GLUD1: variants seen among roughly 807,000 people sequenced by gnomAD.
The protein encoded by GLUD1 is glutamate dehydrogenase 1, mitochondrial.
In GLUD1, 22 loss-of-function variants were observed where a neutral mutation model predicts 56.0. The observed-to-expected ratio is 0.39, with a 90% CI of 0.28 to 0.56. The LOEUF (loss-of-function observed/expected upper bound fraction) is 0.56. Among genes scored for constraint, GLUD1 ranks in the 20% least tolerant of loss-of-function variants. The pLI is 0.58. For synonymous variants in GLUD1, 223 were observed against 269.9 expected (o/e 0.83, Z 1.70); for missense variants, 451 against 732.0 (o/e 0.62, Z 4.43).
Position 87,094,073 on chromosome 10 carries a change from A to T in GLUD1, c.445+252T>A. 6.6e-7 allele frequency: 1 copy of T among 1,517,718 alleles called. No individual in the cohort carries two copies. Among genetic ancestry groups the T allele is most frequent in the Non-Finnish European group, 8.8e-7 (1 of 1,135,778 alleles). 94.0% of individuals were successfully genotyped at this position (1,517,718 alleles called of 1,614,324 possible). ...CCGGTGCAGCGTCTACTCTGCATGC[A>T]AGATCAGCATATACAGAGGCCCGGG... On this transcript the variant is annotated intron_variant, in intron 1 of 12. Coordinates refer to ENST00000277865, the MANE Select transcript of GLUD1 (RefSeq NM_005271.5). This position sits in a 1 kb window ranked among gnomAD's most constrained non-coding sequence, Gnocchi z 6.6.
intron 4 of GLUD1, among the ~76,000 whole-genome samples, chr10:87,068,508 A>T (rs1205303984): frequency 6.6e-6 from 1 of 152,194 alleles, no homozygotes; most frequent in South Asian, 2.1e-4. Flanking sequence ...GCAATTAGAG[A>T]TAACAGTACC....
At chr10:87,071,821 A>T (rs150644763) in intron 4 of GLUD1, among the ~76,000 whole-genome samples, 106 of 152,374 alleles carry the variant, frequency 7.0e-4, no homozygotes, top group African/African-American at 2.1e-3. Context: ...GACCAATGTC[A>T]CTTACAATAG....
chr10:87,069,147 T>C (rs1185818812), intron 4 of GLUD1, among the ~76,000 whole-genome samples: 1 of 151,992 alleles, frequency 6.6e-6, no homozygotes, highest in African/African-American at 2.4e-5. Flanking sequence ...TATATATAGT[T>C]TATAACTTTC....
In GLUD1 at chr10:87,094,704, C is replaced by T. The variant is rs1841679068; in HGVS notation, c.66G>A (p.Ala22=). Reference sequence around the variant, plus strand: ...CCAGCAACGCGGCCGAGTCGGCGGACGCCGAGCCCAGGGCAGCGGGCCCGG... The same window carrying T: ...CCAGCAACGCGGCCGAGTCGGCGGATGCCGAGCCCAGGGCAGCGGGCCCGG... ...SRAGPAALGS[A]SADSAALLGW... Residue 22 remains alanine, a synonymous_variant, in exon 1 of 13, where the codon GCG becomes GCA. Transcript: ENST00000277865. This position sits in a 1 kb window ranked among gnomAD's most constrained non-coding sequence, Gnocchi z 6.6. 2 of 1,499,052 alleles carry T rather than the reference C, an allele frequency of 1.3e-6. No individual in the cohort carries two copies. The highest frequency in any genetic ancestry group is 2.9e-5 in the East Asian group (1 of 34,306). The allele number at this position is 1,499,052 out of a possible 1,614,324, so 92.9% of individuals were successfully genotyped here.
At chr10:87,076,228 G>C (rs1846390158) in intron 2 of GLUD1, among the ~76,000 whole-genome samples, 1 of 152,110 alleles carries the variant, frequency 6.6e-6, no homozygotes, top group African/African-American at 2.4e-5. Flanking sequence ...GGCTAGCCAA[G>C]TTCTAATATA....
chr10:87,053,771 G>A (rs746189757), intron 11 of GLUD1, among the ~76,000 whole-genome samples: 13 of 152,232 alleles, frequency 8.5e-5, no homozygotes, highest in Middle Eastern at 6.8e-3. Context: ...TTCATGCCAC[G>A]GTGCGTTCGC....
chr10:87,057,617 C>G, intron 11 of GLUD1, 74 bp downstream of exon 11: 1 of 830,746 alleles, frequency 1.2e-6, no homozygotes, highest in Non-Finnish European at 2.1e-6. Context: ...AGATGAAATC[C>G]ATCTAACCAG....
chr10:87,062,718 C>G lies in GLUD1; in HGVS notation c.859G>C (p.Ala287Pro). 3 of 1,614,084 alleles carry G rather than the reference C, an allele frequency of 1.9e-6. No individual in the cohort carries two copies. In the African/African-American group the frequency reaches 4.0e-5, roughly 22 times the overall value. The change falls in exon 6 of 13, where the codon GCT (alanine) becomes CCT (proline). Residue 287 changes from alanine (A) to proline (P), a missense_variant. Physicochemically the swap from Ala to Pro is conservative, Grantham distance 27. Coordinates refer to ENST00000277865, the MANE Select transcript of GLUD1 (RefSeq NM_005271.5). ...FHGIENFINE[A>P]SYMSILGMTP... ...ATTCCTAAAATGCTCATGTAAGAAG[C>G]TTCATTGATGAAATTTTCAATCCCA...
chr10:87,070,686 C>G (rs138207512), intron 4 of GLUD1, among the ~76,000 whole-genome samples: 1 of 152,020 alleles, frequency 6.6e-6, no homozygotes, highest in Non-Finnish European at 1.5e-5. Context: ...ATCAGAAACA[C>G]GTAATGATAA....
chr10:87,081,872 T>C (rs1278054598), intron 1 of GLUD1, among the ~76,000 whole-genome samples: 1 of 145,882 alleles, frequency 6.9e-6, no homozygotes, highest in African/African-American at 2.6e-5. Flanking sequence ...GTTTATCTGC[T>C]GACCTTCCCT....
chr10:87,068,071 C>T lies in GLUD1; in HGVS notation c.733G>A (p.Gly245Arg). 2 of 1,600,240 alleles carry T rather than the reference C, an allele frequency of 1.2e-6. No individual in the cohort carries two copies. Among genetic ancestry groups the T allele is most frequent in the Non-Finnish European group, 1.7e-6 (2 of 1,167,404 alleles). ...TTCCAGTGGGTACTCACATAGTGCC[C>T]TATGGTGCTGGCATAGGTATCAGCG... ...WIADTYASTI[G>R]HYDINAHACV... The change falls in exon 5 of 13, where the codon GGG becomes AGG. Residue 245 changes from glycine (G) to arginine (R), a missense_variant. Transcript: ENST00000277865.
At chr10:87,056,292 CTT>C (rs556387150) in intron 11 of GLUD1, among the ~76,000 whole-genome samples, 6 of 135,252 alleles carry the variant, frequency 4.4e-5, no homozygotes, top group Non-Finnish European at 4.8e-5. Flanking sequence ...TACACCGTTT[CTT>C]TTTTTTTTTT....
intron 1 of GLUD1, among the ~76,000 whole-genome samples, chr10:87,079,615 G>T (rs939403271): frequency 3.9e-5 from 6 of 152,162 alleles, no homozygotes; most frequent in Admixed American, 1.3e-4. Flanking sequence ...TGCATGGAGG[G>T]GTGCTAATGC....
In GLUD1 at chr10:87,094,200, C is replaced by T. The variant is rs1841642998; in HGVS notation, c.445+125G>A. 3 of 1,388,124 alleles carry T rather than the reference C, an allele frequency of 2.2e-6. No individual in the cohort carries two copies. Among genetic ancestry groups the T allele is most frequent in the Non-Finnish European group, 1.9e-6 (2 of 1,044,710 alleles). The allele number at this position is 1,388,124 out of a possible 1,614,324, so 86.0% of individuals were successfully genotyped here. On this transcript the variant is annotated intron_variant, in intron 1 of 12. Coordinates refer to ENST00000277865, the MANE Select transcript of GLUD1 (RefSeq NM_005271.5). This position sits in a 1 kb window ranked among gnomAD's most constrained non-coding sequence, Gnocchi z 6.6. ...CACATCCGAGGCGGGGTGACCCGGGCGGGGACCCGGCCCGCTCCAGCTGGG... is the reference window on the plus strand; with the variant it reads ...CACATCCGAGGCGGGGTGACCCGGGTGGGGACCCGGCCCGCTCCAGCTGGG...
chr10:87,058,598 A>G (rs1845848516), intron 10 of GLUD1, among the ~76,000 whole-genome samples: 1 of 152,202 alleles, frequency 6.6e-6, no homozygotes, highest in Non-Finnish European at 1.5e-5. Flanking sequence ...ATCACACTTA[A>G]AAAAATATTA....
intron 11 of GLUD1, 73 bp from the exon 12 acceptor site, chr10:87,053,477 G>A (rs970763730): frequency 1.7e-5 from 16 of 960,356 alleles, no homozygotes; most frequent in African/African-American, 1.6e-4. Flanking sequence ...AGATGACAAA[G>A]GATTCTCAAG....
Position 87,057,672 on chromosome 10 carries a change from G to A in GLUD1, c.1494+19C>T. On this transcript the variant is annotated intron_variant, in intron 11 of 12. Transcript: ENST00000277865. ...CAGGGAGCATGTGTGAAGTACAACTGTGGGGTCACCACACTCACCGATATC... is the reference window on the plus strand; with the variant it reads ...CAGGGAGCATGTGTGAAGTACAACTATGGGGTCACCACACTCACCGATATC... 1 of 1,260,186 alleles carries A rather than the reference G, an allele frequency of 7.9e-7. No individual in the cohort carries two copies. The highest frequency in any genetic ancestry group is 1.7e-5 in the Admixed American group (1 of 59,556). The allele number at this position is 1,260,186 out of a possible 1,614,324, so 78.1% of individuals were successfully genotyped here.
chr10:87,060,313 G>C, intron 8 of GLUD1, 72 bp from the exon 9 acceptor site: 2 of 965,912 alleles, frequency 2.1e-6, no homozygotes, highest in Non-Finnish European at 3.4e-6. Flanking sequence ...GGCAAGAGAT[G>C]TGCATATATG....
chr10:87,086,171 G>A (rs1261731276), intron 1 of GLUD1, among the ~76,000 whole-genome samples: 1 of 152,152 alleles, frequency 6.6e-6, no homozygotes, highest in African/African-American at 2.4e-5. Context: ...CACTATTCAA[G>A]GGCATGATGG....
Sources: allele counts gnomAD v4.1 joint callset (sites outside exome capture counted in the v4.1 genomes callset), GRCh38; gene constraint gnomAD v4.1.1; non-coding constraint Gnocchi (gnomAD v3.1); transcripts MANE v1.5; gene names NCBI Gene and HGNC (gene_info 2026-07-23, HGNC 2026-07-21).